Variants in SYNE1 observed in about 807,000 individuals in gnomAD.
SYNE1 encodes the protein spectrin repeat containing nuclear envelope protein 1.
In SYNE1, 616 loss-of-function variants were observed where a neutral mutation model predicts 1,111.0. The ratio of observed to expected loss-of-function variants is 0.55; its 90% CI spans 0.52 to 0.59. The LOEUF (loss-of-function observed/expected upper bound fraction) is 0.59. Among genes scored for constraint, SYNE1 ranks in the 20% least tolerant of loss-of-function variants. SYNE1 has a pLI of 0.00. For synonymous variants in SYNE1, 3,855 were observed against 3,825.8 expected, an observed-to-expected ratio of 1.01 and a Z score of -0.28; for missense variants, 10,006 against 10,417.0, an observed-to-expected ratio of 0.96 and a Z score of 1.72.
intron 119 of SYNE1, 36 bp from the exon 120 acceptor site, chr6:152,219,221 G>GCTGA (rs2079488234): frequency 1.9e-6 from 3 of 1,597,122 alleles, no homozygotes; most frequent in Non-Finnish European, 2.6e-6. Context: ...TCTGAAGCAT[G>GCTGA]TTGATACTCC....
chr6:152,532,334 T>C (rs985280157), intron 4 of SYNE1, among the ~76,000 whole-genome samples: 1 of 152,178 alleles, frequency 6.6e-6, no homozygotes, highest in Non-Finnish European at 1.5e-5. Flanking sequence ...TAATCACTTT[T>C]AGTCTTCTAG....
intron 33 of SYNE1, chr6:152,434,180 T>G: frequency 1.3e-5 from 7 of 530,258 alleles, no homozygotes; most frequent in Non-Finnish European, 3.4e-6. Context: ...TGAGTGAAAC[T>G]GCACTTTGAA....
intron 3 of SYNE1, chr6:152,546,653 T>G (rs1159857157): frequency 6.6e-6 from 1 of 152,212 alleles, no homozygotes; most frequent in Non-Finnish European, 1.5e-5. Context: ...ATTGGTGTGA[T>G]GAAGGTATAT....
In SYNE1 at chr6:152,379,065, C is replaced by A. The variant is rs190632434; in HGVS notation, c.9009+1941G>T. 1.2e-4 allele frequency among the ~76,000 whole-genome samples: 18 copies of A among 152,210 alleles called. No individual in the cohort carries two copies. In the East Asian group the frequency reaches 3.5e-3, roughly 29 times the overall value. Reference sequence around the variant, plus strand: ...TACTTAAGACAGAACATTGTAAGAACTAAAGAAACTTAGCATTCAACAAAA... The same window carrying A: ...TACTTAAGACAGAACATTGTAAGAAATAAAGAAACTTAGCATTCAACAAAA... On this transcript the variant is annotated intron_variant, in intron 56 of 145. Coordinates refer to ENST00000367255, the MANE Select transcript of SYNE1 (RefSeq NM_182961.4).
intron 85 of SYNE1, 175 bp from the exon 86 acceptor site, chr6:152,318,438 G>A (rs1394364536): frequency 4.2e-6 from 3 of 706,948 alleles, no homozygotes; most frequent in South Asian, 1.8e-5. Flanking sequence ...GGCAGGATAT[G>A]TTGTAATGCT....
chr6:152,596,568 T>C (rs1462828797), intron 3 of SYNE1, among the ~76,000 whole-genome samples: 1 of 152,210 alleles, frequency 6.6e-6, no homozygotes, highest in Non-Finnish European at 1.5e-5. Flanking sequence ...GTTATCATTA[T>C]AGTTTTAACT....
intron 100 of SYNE1, among the ~76,000 whole-genome samples, chr6:152,266,882 C>G (rs2092754865): frequency 6.6e-6 from 1 of 152,098 alleles, no homozygotes; most frequent in Non-Finnish European, 1.5e-5. Flanking sequence ...TATGTCAGCA[C>G]TGATTAAACT....
In SYNE1 at chr6:152,344,247, C is replaced by T; in HGVS notation, c.12079-20G>A. On this transcript the variant is annotated intron_variant, in intron 73 of 145. Transcript: ENST00000367255. ...GTACATCTGAGACAATACAATCATG[C>T]TGAGATTATGAGAACTGCTTTCTAC... The T allele has an allele frequency of 1.2e-6, 2 of 1,614,030 alleles. No homozygotes were observed. The highest frequency in any genetic ancestry group is 1.7e-6 in the Non-Finnish European group (2 of 1,179,950).
rs910026809 is a variant in SYNE1, at chr6:152,548,386, G to A, written c.68-8365C>T. Among the ~76,000 whole-genome samples the A allele has an allele frequency of 1.3e-5, 2 of 152,272 alleles. 1 individual carries two copies. The highest frequency in any genetic ancestry group is 1.3e-4 in the Admixed American group (2 of 15,284). ...GGACAAAACGAACTGGCCACGTGTG[G>A]CTCACTGGATTTCAGAATGGCTGGA... On this transcript the variant is annotated intron_variant, in intron 3 of 145. Coordinates refer to ENST00000367255, the MANE Select transcript of SYNE1 (RefSeq NM_182961.4).
intron 96 of SYNE1, among the ~76,000 whole-genome samples, chr6:152,282,873 T>A (rs1336274781): frequency 6.6e-6 from 1 of 152,126 alleles, no homozygotes; most frequent in Non-Finnish European, 1.5e-5. Context: ...ACTAATCATA[T>A]AATAGGTAAA....
At chr6:152,460,526 T>A (rs1468335977) in intron 21 of SYNE1, among the ~76,000 whole-genome samples, 1 of 152,112 alleles carries the variant, frequency 6.6e-6, no homozygotes, top group Non-Finnish European at 1.5e-5. Flanking sequence ...GGTCTTCTAC[T>A]TTGTTTCTAC....
At chr6:152,237,488 T>A (rs6927162) in intron 108 of SYNE1, among the ~76,000 whole-genome samples, 74,656 of 151,332 alleles carry the variant, frequency 0.49, 18,960 homozygotes, top group East Asian at 0.74. Context: ...TTAAAAAAAA[T>A]TTTTTTGTAG....
chr6:152,559,640 A>G (rs1012718621), intron 3 of SYNE1, among the ~76,000 whole-genome samples: 1 of 152,180 alleles, frequency 6.6e-6, no homozygotes, highest in East Asian at 1.9e-4. Context: ...AATAAGTTCT[A>G]AGAGGATGGT....
At chr6:152,226,915 A>T (rs1003983982) in intron 115 of SYNE1, among the ~76,000 whole-genome samples, 2 of 152,186 alleles carry the variant, frequency 1.3e-5, no homozygotes, top group African/African-American at 4.8e-5. Flanking sequence ...TCAGAAGTAT[A>T]CCCTCAGAAC....
chr6:152,548,351 C>T (rs1035337296), intron 3 of SYNE1, among the ~76,000 whole-genome samples: 1 of 152,188 alleles, frequency 6.6e-6, no homozygotes, highest in Non-Finnish European at 1.5e-5. Context: ...AAGGAACATG[C>T]CTTGCCCCTG....
intron 62 of SYNE1, among the ~76,000 whole-genome samples, chr6:152,366,683 C>G (rs1267164511): frequency 2.0e-5 from 3 of 152,140 alleles, no homozygotes; most frequent in Non-Finnish European, 4.4e-5. Flanking sequence ...CAACTTCAGA[C>G]AGTAAAACCC....
intron 145 of SYNE1, chr6:152,125,209 TG>T: frequency 6.5e-7 from 1 of 1,528,970 alleles, no homozygotes; most frequent in African/African-American, 1.4e-5. Flanking sequence ...TGAAATGTTT[TG>T]CTGGTTGGTG....
chr6:152,295,933 A>G (rs983260312), intron 93 of SYNE1, among the ~76,000 whole-genome samples: 19 of 152,220 alleles, frequency 1.2e-4, no homozygotes. Flanking sequence ...CACATTTTCT[A>G]AAAAGTCCAC....
At position 152,133,322 on chromosome 6, in the gene SYNE1, T is replaced by C; in HGVS notation, c.25955A>G (p.His8652Arg). ...TAATAACTTCTCCAGTTCCTTGATA[T>C]GACGACTGACCTCCTTCAAGAGAAG... ...LKLLLKEVSR[H>R]IKELEKLLDV... The change falls in exon 143 of 146, where the codon CAT becomes CGT. Residue 8652 changes from histidine to arginine, a missense_variant. This residue lies in a region of SYNE1 where 761 missense variants were observed against 795.5 expected (regional missense o/e 0.96). Coordinates refer to ENST00000367255, the MANE Select transcript of SYNE1 (RefSeq NM_182961.4). 2.5e-6 allele frequency: 4 copies of C among 1,614,236 alleles called. No individual in the cohort carries two copies. Among genetic ancestry groups the C allele is most frequent in the Non-Finnish European group, 3.4e-6 (4 of 1,180,032 alleles).
Sources: allele counts gnomAD v4.1 joint callset (sites outside exome capture counted in the v4.1 genomes callset), GRCh38; gene constraint gnomAD v4.1.1; regional missense constraint gnomAD v4.1.1; transcripts MANE v1.5; gene names NCBI Gene and HGNC (gene_info 2026-07-23, HGNC 2026-07-21).